Variants in NAA30 observed in about 807,000 individuals in gnomAD.
NAA30 encodes the protein N-alpha-acetyltransferase 30.
NAA30 carries 5 observed loss-of-function variants against 31.4 expected under a neutral mutation model. That is an observed-to-expected ratio of 0.16 (90% CI 0.08 to 0.33). The LOEUF is 0.33. Ranked by LOEUF, NAA30 falls within the 10% of genes least tolerant of loss-of-function variation. The pLI, the probability that NAA30 is intolerant of heterozygous loss-of-function variation, is 1.00. For missense variants in NAA30, 428 were observed against 490.8 expected (o/e 0.87, Z 1.21); for synonymous variants, 222 against 207.1 (o/e 1.07, Z -0.62).
chr14:57,409,547 G>A lies in NAA30; in HGVS notation c.*31G>A, dbSNP rs11620639. The stretch of plus-strand genomic sequence containing the variant: ...TGACATCAAGGAACAACTATCATCC[G>A]CACAGAATCGACCTTTGCATGCAAT... On this transcript the variant is annotated 3_prime_UTR_variant, in exon 5 of 5. Coordinates refer to ENST00000556492, the MANE Select transcript of NAA30 (RefSeq NM_001011713.3). The A allele has an allele frequency of 0.93, 1,472,881 of 1,578,340 alleles. 693,506 individuals are homozygous for A. The highest frequency in any genetic ancestry group is 0.96 in the Non-Finnish European group (1,122,953 of 1,167,786).
intron 4 of NAA30, among the ~76,000 whole-genome samples, chr14:57,408,564 T>A (rs2066509681): frequency 6.6e-6 from 1 of 152,178 alleles, no homozygotes; most frequent in Admixed American, 6.5e-5. Flanking sequence ...TTAAAAATAT[T>A]AAAAATGCAG....
At chr14:57,398,764 C>T (rs2066461647) in intron 3 of NAA30, among the ~76,000 whole-genome samples, 1 of 152,174 alleles carries the variant, frequency 6.6e-6, no homozygotes, top group Admixed American at 6.5e-5. Flanking sequence ...TCCCAAGTAG[C>T]TGGGATTACA....
At position 57,410,806 on chromosome 14, in the gene NAA30, A is replaced by G. The variant is rs746901043; in HGVS notation, c.*1290A>G. The G allele has an allele frequency of 6.6e-6, 1 of 152,582 alleles. No individual in the cohort carries two copies. Among genetic ancestry groups the G allele is most frequent in the Non-Finnish European group, 1.5e-5 (1 of 67,988 alleles). 9.5% of individuals were successfully genotyped at this position (152,582 alleles called of 1,614,324 possible). The stretch of plus-strand genomic sequence containing the variant: ...ATCAGTGCAATGTAACAAATTTTAC[A>G]GTTAATTGCTTTCAATTGAGTCAGT... On this transcript the variant is annotated 3_prime_UTR_variant, in exon 5 of 5. Transcript: ENST00000556492.
chr14:57,400,946 G>A (rs1397497090), intron 4 of NAA30, among the ~76,000 whole-genome samples: 1 of 150,194 alleles, frequency 6.7e-6, no homozygotes, highest in Non-Finnish European at 1.5e-5. Context: ...TTGTCCAGCT[G>A]GAGACCACTC....
chr14:57,407,540 C>T (rs1401674174), intron 4 of NAA30, among the ~76,000 whole-genome samples: 1 of 152,082 alleles, frequency 6.6e-6, no homozygotes, highest in African/African-American at 2.4e-5. Context: ...TTCTTCTAGA[C>T]AGAAAACAGT....
chr14:57,397,082 GTT>G (rs2066453873), intron 3 of NAA30, among the ~76,000 whole-genome samples: 2 of 152,094 alleles, frequency 1.3e-5, no homozygotes, highest in Non-Finnish European at 2.9e-5. Context: ...TTGTTTGACA[GTT>G]TTTCGTTTTA....
intron 4 of NAA30, among the ~76,000 whole-genome samples, chr14:57,403,037 T>C (rs2066483359): frequency 6.6e-6 from 1 of 152,064 alleles, no homozygotes; most frequent in Non-Finnish European, 1.5e-5. Context: ...GAAAATTAGC[T>C]GGGCGTGGTG....
At chr14:57,403,165 A>G (rs2066483964) in intron 4 of NAA30, among the ~76,000 whole-genome samples, 1 of 151,144 alleles carries the variant, frequency 6.6e-6, no homozygotes, top group Non-Finnish European at 1.5e-5. Context: ...TGGGAGACAG[A>G]GTGAGACTCT....
chr14:57,398,721 C>A (rs561959090), intron 3 of NAA30, among the ~76,000 whole-genome samples: 4 of 152,170 alleles, frequency 2.6e-5, no homozygotes, highest in Admixed American at 1.3e-4. Flanking sequence ...CAACCTCCGC[C>A]TCCTGTGTTC....
chr14:57,391,945 G>A lies in NAA30; in HGVS notation c.771+217G>A, dbSNP rs1417840889. Among the ~76,000 whole-genome samples, 6 of 152,210 alleles carry A rather than the reference G, an allele frequency of 3.9e-5. No individual in the cohort carries two copies. Among genetic ancestry groups the A allele is most frequent in the Non-Finnish European group, 7.3e-5 (5 of 68,034 alleles). On this transcript the variant is annotated intron_variant, in intron 2 of 4. Coordinates refer to ENST00000556492, the MANE Select transcript of NAA30 (RefSeq NM_001011713.3). The surrounding 1 kb of genome is among the most constrained non-coding windows in gnomAD (Gnocchi z 4.1). ...TTAACGTGATACTAGTGTAACTGCA[G>A]CAAGCCTGTATGGTGGCGTGTTTCA...
rs2066529001 is a variant in NAA30 at position 57,412,656 on chromosome 14, G to A, written c.*3140G>A. The A allele has an allele frequency of 1.3e-5, 2 of 152,080 alleles. No individual in the cohort carries two copies. Among genetic ancestry groups the A allele is most frequent in the Non-Finnish European group, 2.9e-5 (2 of 68,012 alleles). 9.4% of individuals were successfully genotyped at this position (152,080 alleles called of 1,614,324 possible). A position where few individuals can be genotyped will look rare whatever the true frequency, so the allele number is the denominator to read the frequency against. ...TATTGCTGCATAATTTTCTTCTATT[G>A]TCCCATATCCTTTTGGAGAGAGATT... On this transcript the variant is annotated 3_prime_UTR_variant, in exon 5 of 5. Transcript: ENST00000556492.
At chr14:57,405,082 C>G (rs529160828) in intron 4 of NAA30, among the ~76,000 whole-genome samples, 1 of 152,232 alleles carries the variant, frequency 6.6e-6, no homozygotes, top group Non-Finnish European at 1.5e-5. Flanking sequence ...TCCCTGCAAC[C>G]TGATTTGCTT....
In NAA30 at chr14:57,399,815, A is replaced by G. The variant is rs375095693; in HGVS notation, c.896-13A>G. On this transcript the variant is annotated splice_polypyrimidine_tract_variant and intron_variant, in intron 3 of 4. Transcript: ENST00000556492. ...ACATTTTTCCTTCATTAATACTCAG[A>G]TCTATATTCTAGGTACTAACTTGGT... 394 of 1,381,066 alleles carry G rather than the reference A, an allele frequency of 2.9e-4. No homozygotes were observed. The African/African-American group carries it at 5.3e-3, about 19-fold the overall frequency. 85.6% of individuals were successfully genotyped at this position (1,381,066 alleles called of 1,614,324 possible).
chr14:57,408,264 A>T (rs1258149515), intron 4 of NAA30, among the ~76,000 whole-genome samples: 1 of 152,130 alleles, frequency 6.6e-6, no homozygotes, highest in African/African-American at 2.4e-5. Flanking sequence ...ACTGTGGCTC[A>T]CTGTGTTGAT....
At position 57,391,453 on chromosome 14, in the gene NAA30, C is replaced by A. The variant is rs753126437; in HGVS notation, c.496C>A (p.Arg166Ser). The A allele has an allele frequency of 3.7e-6, 6 of 1,609,596 alleles. No individual in the cohort carries two copies. The highest frequency in any genetic ancestry group is 5.1e-6 in the Non-Finnish European group (6 of 1,178,228). Residue 166 changes from arginine to serine, a missense_variant, in exon 2 of 5, where the codon CGC becomes AGC. Physicochemically the swap from Arg to Ser is moderately radical, Grantham distance 110. Transcript: ENST00000556492. The surrounding 1 kb of genome is among the most constrained non-coding windows in gnomAD (Gnocchi z 4.1). ...AAAASDPAAA[R>S]NGLAEGTEQE... ...GGCGGCGAGCGATCCCGCGGCGGCC[C>A]GCAATGGACTGGCCGAGGGCACCGA...
intron 4 of NAA30, among the ~76,000 whole-genome samples, chr14:57,401,616 C>A (rs2066477531): frequency 6.6e-6 from 1 of 152,136 alleles, no homozygotes; most frequent in Non-Finnish European, 1.5e-5. Flanking sequence ...GATAATAGAT[C>A]ATGTTTTGAT....
Position 57,409,566 on chromosome 14 carries a change from A to C in NAA30, c.*50A>C, listed in dbSNP as rs757612706. 19 of 1,532,020 alleles carry C rather than the reference A, an allele frequency of 1.2e-5. No individual in the cohort carries two copies. Among genetic ancestry groups the C allele is most frequent in the Admixed American group, 2.2e-5 (1 of 45,118 alleles). 94.9% of individuals were successfully genotyped at this position (1,532,020 alleles called of 1,614,324 possible). On this transcript the variant is annotated 3_prime_UTR_variant, in exon 5 of 5. Transcript: ENST00000556492. ...TCATCCGCACAGAATCGACCTTTGC[A>C]TGCAATGCAATTTGTACAGAATTGC...
chr14:57,403,936 C>T (rs17093196), intron 4 of NAA30, among the ~76,000 whole-genome samples: 2,956 of 152,178 alleles, frequency 0.019, 81 homozygotes, highest in African/African-American at 0.059. Flanking sequence ...AATAGTGCCT[C>T]GATTTTTAAG....
In NAA30 at chr14:57,415,105, A is replaced by G. The variant is rs1268962351; in HGVS notation, c.*5589A>G. 1 of 152,130 alleles carries G rather than the reference A, an allele frequency of 6.6e-6. No individual in the cohort carries two copies. The highest frequency in any genetic ancestry group is 2.4e-5 in the African/African-American group (1 of 41,460). 9.4% of individuals were successfully genotyped at this position (152,130 alleles called of 1,614,324 possible). On this transcript the variant is annotated 3_prime_UTR_variant, in exon 5 of 5. Coordinates refer to ENST00000556492, the MANE Select transcript of NAA30 (RefSeq NM_001011713.3). ...AATACCTCAGTTTCATGAGAACTGT[A>G]TGTACATTTTTGTAAATAAAATAAT...
Sources: gnomAD v4.1 joint callset for allele counts (sites outside exome capture counted in the v4.1 genomes callset) on GRCh38, gnomAD v4.1.1 for gene constraint, Gnocchi (gnomAD v3.1) non-coding constraint, MANE v1.5 for transcripts, NCBI Gene and HGNC (gene_info 2026-07-23, HGNC 2026-07-21) for gene names.